The following NDRG1 variants were observed in gnomAD, a reference collection of about 807,000 sequenced individuals.
The protein encoded by NDRG1 is protein NDRG1.
In NDRG1, 32 loss-of-function variants were observed where a neutral mutation model predicts 56.9. That is an observed-to-expected ratio of 0.56 (90% CI 0.42 to 0.76). The LOEUF (loss-of-function observed/expected upper bound fraction) is 0.76. Among genes scored for constraint, NDRG1 ranks in the 30% least tolerant of loss-of-function variants. The probability of loss-of-function intolerance (pLI) is 0.00; values close to 1 mark genes in which losing one functional copy is unlikely to be tolerated. For missense variants in NDRG1, 507 were observed against 545.7 expected, an observed-to-expected ratio of 0.93 and a Z score of 0.71; for synonymous variants, 211 against 204.1, an observed-to-expected ratio of 1.03 and a Z score of -0.29.
chr8:133,239,042 G>T lies in NDRG1; in HGVS notation c.1021C>A (p.Arg341Ser). 1.3e-6 allele frequency: 2 copies of T among 1,596,208 alleles called. No individual in the cohort carries two copies. The highest frequency in any genetic ancestry group is 2.3e-5 in the South Asian group (2 of 87,834). The change falls in exon 16 of 16, where the codon CGC becomes AGC. Residue 341 changes from arginine (R) to serine (S), a missense_variant. Arg to Ser is a moderately radical substitution (Grantham distance 110). Coordinates refer to ENST00000323851, the MANE Select transcript of NDRG1 (RefSeq NM_006096.4). The stretch of plus-strand genomic sequence containing the variant: ...CCCTCGCTGGTGTGGGAGCGGCTGC[G>T]GGTGCCATCCAGAGAAGTGACGCTG... ...GSSVTSLDGT[R>S]SRSHTSEGTR... is the part of the protein sequence containing the mutation.
At chr8:133,276,505 C>T (rs946831671) in intron 3 of NDRG1, among the ~76,000 whole-genome samples, 1 of 152,152 alleles carries the variant, frequency 6.6e-6, no homozygotes, top group Non-Finnish European at 1.5e-5. Flanking sequence ...GGGAGGGAAC[C>T]AGTGGGAGGT....
chr8:133,288,212 C>T (rs572259176), intron 1 of NDRG1: 5 of 152,472 alleles, frequency 3.3e-5, no homozygotes, highest in South Asian at 2.1e-4. Flanking sequence ...CCTTCATTCA[C>T]GGAGGAGGGG....
Position 133,259,297 on chromosome 8 carries a change from C to T in NDRG1, c.327-67G>A, listed in dbSNP as rs2233325. 0.014 allele frequency: 21,107 copies of T among 1,507,642 alleles called. 2,241 individuals carry two copies. In the African/African-American group the frequency reaches 0.24, roughly 17 times the overall value. The allele number at this position is 1,507,642 out of a possible 1,614,324, so 93.4% of individuals were successfully genotyped here. A position where few individuals can be genotyped will look rare whatever the true frequency, so the allele number is the denominator to read the frequency against. On this transcript the variant is annotated intron_variant, in intron 5 of 15. Coordinates refer to ENST00000323851, the MANE Select transcript of NDRG1 (RefSeq NM_006096.4). ...GAAACGGGTAATCCAAACAGGGACA[C>T]GCTTGAAGGGTGGGGACCATGCAGC...
chr8:133,297,249 G>A lies in NDRG1; in HGVS notation c.-134C>T, dbSNP rs1435751535. The A allele has an allele frequency of 1.3e-5, 2 of 152,076 alleles. No homozygotes were observed. Among genetic ancestry groups the A allele is most frequent in the African/African-American group, 2.4e-5 (1 of 41,396 alleles). 9.4% of individuals were successfully genotyped at this position (152,076 alleles called of 1,614,324 possible). A position where few individuals can be genotyped will look rare whatever the true frequency, so the allele number is the denominator to read the frequency against. On this transcript the variant is annotated 5_prime_UTR_variant, in exon 1 of 16. Transcript: ENST00000323851. ...CAGCACCAGCTGGGAGCCAGGCGAGGTTTGTTTACGTCCGGGCGGAGGGCG... is the reference window on the plus strand; with the variant it reads ...CAGCACCAGCTGGGAGCCAGGCGAGATTTGTTTACGTCCGGGCGGAGGGCG...
intron 3 of NDRG1, among the ~76,000 whole-genome samples, chr8:133,273,322 T>G (rs558744491): frequency 6.6e-6 from 1 of 152,356 alleles, no homozygotes; most frequent in Non-Finnish European, 1.5e-5. Flanking sequence ...TTATCGGTGA[T>G]GAAGTCAACT....
intron 7 of NDRG1, among the ~76,000 whole-genome samples, chr8:133,257,190 G>A (rs751371820): frequency 6.6e-6 from 1 of 152,040 alleles, no homozygotes; most frequent in Non-Finnish European, 1.5e-5. Context: ...ACACACCATC[G>A]ACCTCATCAA....
At chr8:133,264,702 C>A in intron 3 of NDRG1, 50 bp from the exon 4 acceptor site, 1 of 1,508,746 alleles carries the variant, frequency 6.6e-7, no homozygotes, top group Admixed American at 1.7e-5. Flanking sequence ...TTCATGGCAT[C>A]CGCGTGGCTG....
chr8:133,251,438 C>T (rs1276127451), intron 9 of NDRG1, among the ~76,000 whole-genome samples: 1 of 152,222 alleles, frequency 6.6e-6, no homozygotes, highest in Non-Finnish European at 1.5e-5. Flanking sequence ...AGGAATCACG[C>T]TGGGATTTCA....
At position 133,244,368 on chromosome 8, in the gene NDRG1, G is replaced by A. The variant is rs780954647; in HGVS notation, c.878C>T (p.Pro293Leu). ...LLKMADCGGL[P>L]QISQPAKLAE... Reference sequence around the variant, plus strand: ...CATGGCACTCACCTGGGAGATCTGCGGGAGGCCGCCACAGTCCGCCATCTA... The same window carrying A: ...CATGGCACTCACCTGGGAGATCTGCAGGAGGCCGCCACAGTCCGCCATCTA... The change falls in exon 14 of 16, where the codon CCG becomes CTG. Residue 293 changes from proline to leucine, a missense_variant. Coordinates refer to ENST00000323851, the MANE Select transcript of NDRG1 (RefSeq NM_006096.4). 4.3e-6 allele frequency: 7 copies of A among 1,614,206 alleles called. No individual in the cohort carries two copies. Among genetic ancestry groups the A allele is most frequent in the East Asian group, 4.5e-5 (2 of 44,888 alleles).
At chr8:133,242,494 T>C (rs1175680738) in intron 14 of NDRG1, among the ~76,000 whole-genome samples, 3 of 152,242 alleles carry the variant, frequency 2.0e-5, no homozygotes, top group African/African-American at 7.2e-5. Context: ...AGGTCAGTGC[T>C]ACCTTAGATA....
intron 4 of NDRG1, among the ~76,000 whole-genome samples, chr8:133,263,469 A>G (rs1349406804): frequency 6.6e-6 from 1 of 152,242 alleles, no homozygotes; most frequent in African/African-American, 2.4e-5. Flanking sequence ...TGAAATTTCA[A>G]CATTCAGTAG....
chr8:133,266,449 G>C (rs1006692641), intron 3 of NDRG1, among the ~76,000 whole-genome samples: 60 of 152,298 alleles, frequency 3.9e-4, no homozygotes, highest in African/African-American at 1.4e-3. Context: ...AAGAAGGGAT[G>C]GGACAGATCA....
chr8:133,268,027 C>T (rs1857004735), intron 3 of NDRG1, among the ~76,000 whole-genome samples: 1 of 152,130 alleles, frequency 6.6e-6, no homozygotes, highest in Non-Finnish European at 1.5e-5. Flanking sequence ...CTTTGAAGGT[C>T]TTAAAATTAT....
chr8:133,259,026 G>C, intron 6 of NDRG1, 142 bp downstream of exon 6: 2 of 831,990 alleles, frequency 2.4e-6, no homozygotes, highest in Non-Finnish European at 4.2e-6. Context: ...AGTGTTCACA[G>C]AGTGACGAGC....
intron 9 of NDRG1, 117 bp downstream of exon 9, chr8:133,254,422 G>T (rs879189789): frequency 2.1e-6 from 2 of 951,214 alleles, no homozygotes; most frequent in East Asian, 2.6e-5. Context: ...GCACCAGCTC[G>T]GTGGCCCCCA....
At chr8:133,296,859 G>C (rs1858805316) in intron 1 of NDRG1, 1 of 233,674 alleles carries the variant, frequency 4.3e-6, no homozygotes, top group African/African-American at 2.3e-5. Context: ...CCCCCTTCCC[G>C]ACCTCCAGAA....
chr8:133,251,549 C>T (rs1038346769), intron 9 of NDRG1, among the ~76,000 whole-genome samples: 4 of 152,224 alleles, frequency 2.6e-5, no homozygotes, highest in African/African-American at 7.2e-5. Context: ...AGATGCTCAA[C>T]GCTATGTCTG....
At chr8:133,264,828 G>A (rs1856836468) in intron 3 of NDRG1, 176 bp from the exon 4 acceptor site, 1 of 654,366 alleles carries the variant, frequency 1.5e-6, no homozygotes, top group Admixed American at 2.2e-5. Flanking sequence ...CAAGGACCAG[G>A]GCTAGGAGGG....
chr8:133,285,669 C>G (rs757776293), intron 1 of NDRG1, among the ~76,000 whole-genome samples: 8 of 152,242 alleles, frequency 5.3e-5, no homozygotes, highest in Non-Finnish European at 1.0e-4. Flanking sequence ...AGATCCTGCT[C>G]TCCACTGGGG....
Sources: allele counts gnomAD v4.1 joint callset (sites outside exome capture counted in the v4.1 genomes callset), GRCh38; gene constraint gnomAD v4.1.1; transcripts MANE v1.5; gene names NCBI Gene and HGNC (gene_info 2026-07-23, HGNC 2026-07-21).